The following PRKCA variants were observed in gnomAD, a reference collection of about 807,000 sequenced individuals.
The protein encoded by PRKCA is protein kinase C alpha type.
Under a neutral mutation model 87.0 loss-of-function variants are expected in PRKCA, and 27 were observed. The observed-to-expected ratio is 0.31, with a 90% CI of 0.23 to 0.43. PRKCA has a LOEUF of 0.43. Among genes scored for constraint, PRKCA ranks in the 20% least tolerant of loss-of-function variants. PRKCA has a pLI of 1.00. For synonymous variants in PRKCA, 329 were observed against 311.1 expected (o/e 1.06, Z -0.61); for missense variants, 518 against 852.3 (o/e 0.61, Z 4.88).
chr17:66,779,577 G>A (rs61762784), intron 14 of PRKCA, among the ~76,000 whole-genome samples: 11,243 of 152,124 alleles, frequency 0.074, 613 homozygotes, highest in East Asian at 0.21. Context: ...CCAGGTTTCC[G>A]TGATTTGCAA....
chr17:66,731,665 G>A (rs1432188695), intron 8 of PRKCA, among the ~76,000 whole-genome samples: 2 of 152,032 alleles, frequency 1.3e-5, no homozygotes, highest in Admixed American at 6.5e-5. Flanking sequence ...CCTGGTGAGA[G>A]TCGTGAGGGC....
intron 2 of PRKCA, among the ~76,000 whole-genome samples, chr17:66,428,135 A>C (rs925316216): frequency 2.8e-4 from 42 of 152,132 alleles, no homozygotes; most frequent in Middle Eastern, 3.2e-3. Flanking sequence ...GACTCACGTG[A>C]TTCACTTCGA....
At chr17:66,738,024 A>G (rs551987672) in intron 10 of PRKCA, among the ~76,000 whole-genome samples, 1 of 152,340 alleles carries the variant, frequency 6.6e-6, no homozygotes, top group East Asian at 1.9e-4. Context: ...CAGAGAGCAG[A>G]GGTCATTATT....
At chr17:66,513,092 C>A (rs1218862977) in intron 3 of PRKCA, among the ~76,000 whole-genome samples, 1 of 152,158 alleles carries the variant, frequency 6.6e-6, no homozygotes, top group Non-Finnish European at 1.5e-5. Flanking sequence ...ATCTTTCCAC[C>A]AACTTGAAAG....
chr17:66,710,653 C>T (rs914936930), intron 8 of PRKCA, among the ~76,000 whole-genome samples: 1 of 152,078 alleles, frequency 6.6e-6, no homozygotes, highest in Non-Finnish European at 1.5e-5. Flanking sequence ...CAAGCAGCCA[C>T]GGCCCTCCCA....
chr17:66,802,718 G>A (rs1975928532), intron 16 of PRKCA, among the ~76,000 whole-genome samples: 1 of 152,210 alleles, frequency 6.6e-6, no homozygotes, highest in African/African-American at 2.4e-5. Context: ...TGGGCAGGAG[G>A]TGTGATTGTT....
intron 2 of PRKCA, among the ~76,000 whole-genome samples, chr17:66,490,731 C>T (rs958817712): frequency 6.6e-6 from 1 of 152,178 alleles, no homozygotes; most frequent in South Asian, 2.1e-4. Context: ...CAGGCACAAG[C>T]CACTATGCCT....
chr17:66,532,137 A>T (rs1233741411), intron 3 of PRKCA, among the ~76,000 whole-genome samples: 2 of 148,340 alleles, frequency 1.3e-5, no homozygotes, highest in African/African-American at 5.0e-5. Flanking sequence ...CTCCCAAGTG[A>T]CTCACTTCTG....
At chr17:66,347,568 T>C (rs986871309) in intron 2 of PRKCA, among the ~76,000 whole-genome samples, 12 of 152,302 alleles carry the variant, frequency 7.9e-5, no homozygotes, top group African/African-American at 2.6e-4. Context: ...ATTCTTTAGT[T>C]TGGAAAACAC....
intron 16 of PRKCA, among the ~76,000 whole-genome samples, chr17:66,798,623 GTGA>G (rs1975764157): frequency 5.3e-5 from 5 of 94,878 alleles, no homozygotes; most frequent in Non-Finnish European, 7.5e-5. Flanking sequence ...GGTGGTGGTG[GTGA>G]TGGTGGTGGT....
At chr17:66,350,496 C>T (rs1907675555) in intron 2 of PRKCA, among the ~76,000 whole-genome samples, 1 of 152,034 alleles carries the variant, frequency 6.6e-6, no homozygotes, top group Admixed American at 6.5e-5. Context: ...GAATTCTGTT[C>T]ATTTGTGTTT....
chr17:66,404,516 C>G lies in PRKCA; in HGVS notation c.206-91685C>G, dbSNP rs8079664. Among the ~76,000 whole-genome samples, 1,366 of 152,202 alleles carry G rather than the reference C, an allele frequency of 9.0e-3. 25 individuals carry two copies. Among genetic ancestry groups the G allele is most frequent in the African/African-American group, 0.031 (1,307 of 41,506 alleles). On this transcript the variant is annotated intron_variant, in intron 2 of 16. Coordinates refer to ENST00000413366, the MANE Select transcript of PRKCA (RefSeq NM_002737.3). Reference sequence around the variant, plus strand: ...TTACTTACTTATTTTTGGCAGATTACTGTTTACAAGCCTCAGGAAGTTAGC... The same window carrying G: ...TTACTTACTTATTTTTGGCAGATTAGTGTTTACAAGCCTCAGGAAGTTAGC...
At chr17:66,589,609 A>G (rs1192691284) in intron 3 of PRKCA, among the ~76,000 whole-genome samples, 1 of 152,172 alleles carries the variant, frequency 6.6e-6, no homozygotes, top group Non-Finnish European at 1.5e-5. Context: ...TGCAGGGTGA[A>G]AGTTACACTG....
chr17:66,688,112 T>G (rs1972679348), intron 6 of PRKCA, among the ~76,000 whole-genome samples, 190 bp from the exon 7 acceptor site: 1 of 152,168 alleles, frequency 6.6e-6, no homozygotes, highest in African/African-American at 2.4e-5. Context: ...TGGGATAGAT[T>G]TGGCCCATGG....
chr17:66,333,173 A>T (rs1906456862), intron 2 of PRKCA, among the ~76,000 whole-genome samples: 1 of 152,224 alleles, frequency 6.6e-6, no homozygotes, highest in East Asian at 1.9e-4. Context: ...ACTGACATGA[A>T]GGCATGCAGT....
intron 3 of PRKCA, among the ~76,000 whole-genome samples, chr17:66,631,790 TC>T (rs1310677584): frequency 2.6e-5 from 4 of 152,166 alleles, no homozygotes; most frequent in African/African-American, 9.7e-5. Flanking sequence ...CATGCCTGTA[TC>T]AAAACATGAC....
chr17:66,445,811 C>CT (rs966482247), intron 2 of PRKCA, among the ~76,000 whole-genome samples: 5 of 146,502 alleles, frequency 3.4e-5, no homozygotes, highest in East Asian at 2.0e-4. Flanking sequence ...TTTTTTTCTT[C>CT]TTTTTTTTCT....
At chr17:66,310,264 C>A (rs1286511051) in intron 2 of PRKCA, among the ~76,000 whole-genome samples, 2 of 150,430 alleles carry the variant, frequency 1.3e-5, no homozygotes, top group Admixed American at 1.3e-4. Flanking sequence ...AAATGTGCTA[C>A]AAACCTAGGC....
At chr17:66,640,607 A>C (rs75572209) in intron 3 of PRKCA, among the ~76,000 whole-genome samples, 1 of 152,074 alleles carries the variant, frequency 6.6e-6, no homozygotes, top group African/African-American at 2.4e-5. Context: ...ATTTCTGGAT[A>C]CTCTGTCCAA....
Sources: gnomAD v4.1 joint callset for allele counts (sites outside exome capture counted in the v4.1 genomes callset) on GRCh38, gnomAD v4.1.1 for gene constraint, MANE v1.5 for transcripts, NCBI Gene and HGNC (gene_info 2026-07-23, HGNC 2026-07-21) for gene names.